Variants in EFCAB8 observed in about 807,000 individuals in gnomAD.
EFCAB8 encodes the protein EF-hand calcium-binding domain-containing protein 8.
Under a neutral mutation model 116.3 loss-of-function variants are expected in EFCAB8, and 100 were observed. The ratio of observed to expected loss-of-function variants is 0.86; its 90% CI spans 0.73 to 1.02. EFCAB8 has a LOEUF of 1.02. EFCAB8 is among the 50% of genes least tolerant of loss of function. EFCAB8 has a pLI of 0.00. For synonymous variants in EFCAB8, 558 were observed against 567.9 expected (o/e 0.98, Z 0.25); for missense variants, 1,320 against 1,416.9 (o/e 0.93, Z 1.10).
intron 16 of EFCAB8, among the ~76,000 whole-genome samples, chr20:32,912,235 G>A (rs970176021): frequency 6.6e-6 from 1 of 151,960 alleles, no homozygotes; most frequent in Non-Finnish European, 1.5e-5. Flanking sequence ...CCAGGAGTTC[G>A]AGACCAGCCT....
intron 20 of EFCAB8, among the ~76,000 whole-genome samples, chr20:32,927,801 T>G (rs1012050552): frequency 1.2e-4 from 18 of 152,192 alleles, no homozygotes; most frequent in African/African-American, 4.3e-4. Context: ...GGTTCAGGGA[T>G]TCCTGTTTTT....
intron 13 of EFCAB8, among the ~76,000 whole-genome samples, chr20:32,907,518 C>T (rs1600409667): frequency 6.6e-6 from 1 of 152,214 alleles, no homozygotes; most frequent in Admixed American, 6.5e-5. Flanking sequence ...GATACTGCCC[C>T]GTCTGCTGGG....
chr20:32,908,959 T>A (rs565874329), intron 14 of EFCAB8, among the ~76,000 whole-genome samples: 2 of 152,092 alleles, frequency 1.3e-5, no homozygotes, highest in East Asian at 3.9e-4. Flanking sequence ...CAGGAAAGAT[T>A]GGGACAAGCA....
intron 9 of EFCAB8, among the ~76,000 whole-genome samples, chr20:32,894,090 G>A (rs1986047712): frequency 6.6e-6 from 1 of 152,182 alleles, no homozygotes; most frequent in East Asian, 1.9e-4. Context: ...GCTCAGGGCC[G>A]CCTAGGGAAC....
In EFCAB8 at chr20:32,959,913, G is replaced by A. The variant is rs753218371; in HGVS notation, c.3225G>A (p.Pro1075=). The A allele has an allele frequency of 4.4e-5, 69 of 1,551,560 alleles. No homozygotes were observed. The highest frequency in any genetic ancestry group is 5.8e-5 in the Non-Finnish European group (67 of 1,146,980). The change falls in exon 25 of 27, where the codon CCG becomes CCA. Residue 1075 remains proline (P), a synonymous_variant. Transcript: ENST00000400522. ...TGCAGAAGATGGCCCTGATGTCCCC[G>A]TGGGCCGGAGAGCGCCCCCTGGAAG... ...AKLQKMALMS[P]WAGERPLEDI... is the part of the protein sequence containing the mutation.
At chr20:32,901,549 C>G (rs367945984) in intron 11 of EFCAB8, among the ~76,000 whole-genome samples, 1 of 145,814 alleles carries the variant, frequency 6.9e-6, no homozygotes, top group Admixed American at 6.7e-5. Flanking sequence ...CTCTGTGGGC[C>G]GGGCCTGCTG....
chr20:32,880,244 G>A (rs1042467122), intron 5 of EFCAB8, among the ~76,000 whole-genome samples: 8 of 151,568 alleles, frequency 5.3e-5, no homozygotes, highest in Middle Eastern at 3.4e-3. Flanking sequence ...TAGAGAAGGC[G>A]GCTTGAATGA....
chr20:32,953,150 T>A (rs1988849554), intron 23 of EFCAB8, among the ~76,000 whole-genome samples: 1 of 152,226 alleles, frequency 6.6e-6, no homozygotes, highest in Admixed American at 6.5e-5. Context: ...TGTGACAAGA[T>A]ATCCTTTCTT....
rs542345105 is a variant in EFCAB8 at position 32,937,280 on chromosome 20, C to T, written c.2790+5944C>T. Among the ~76,000 whole-genome samples the T allele has an allele frequency of 7.9e-5, 12 of 152,186 alleles. No homozygotes were observed. The East Asian group carries it at 1.9e-3, about 25-fold the overall frequency. ...GAAGCATGAGCCACTGCCCACTGCA[C>T]CTAGCTGAAAACCACACTTTCTGTT... On this transcript the variant is annotated intron_variant, in intron 22 of 26. Transcript: ENST00000400522.
rs1386183618 is a variant in EFCAB8 at position 32,867,608 on chromosome 20, C to T, written c.69C>T (p.Asn23=). ...TGTCCATCCCACATGGCTTCCAGAA[C>T]AAGGAGGCTGCTAGCTCCCCAACAC... ...QKLSIPHGFQ[N]KEAASSPTPS... Residue 23 remains asparagine, a synonymous_variant, in exon 3 of 27, where the codon AAC becomes AAT. Transcript: ENST00000400522. 6.4e-7 allele frequency: 1 copy of T among 1,551,690 alleles called. No homozygotes were observed.
At chr20:32,899,000 T>A (rs539504920) in intron 11 of EFCAB8, among the ~76,000 whole-genome samples, 1 of 152,334 alleles carries the variant, frequency 6.6e-6, no homozygotes, top group African/African-American at 2.4e-5. Context: ...GTTCAGTAAC[T>A]GGCAGCATTG....
intron 20 of EFCAB8, among the ~76,000 whole-genome samples, chr20:32,924,845 G>C (rs1333931379): frequency 6.6e-6 from 1 of 152,124 alleles, no homozygotes; most frequent in East Asian, 1.9e-4. Context: ...GTCCCCTCTG[G>C]ATGCTGACCC....
At chr20:32,941,111 G>A (rs1311328270) in intron 22 of EFCAB8, among the ~76,000 whole-genome samples, 1 of 149,444 alleles carries the variant, frequency 6.7e-6, no homozygotes, top group Non-Finnish European at 1.5e-5. Context: ...AATTAGCAGG[G>A]CATGATGGCG....
At chr20:32,926,410 CTA>C (rs1987671488) in intron 20 of EFCAB8, among the ~76,000 whole-genome samples, 1 of 145,000 alleles carries the variant, frequency 6.9e-6, no homozygotes, top group African/African-American at 2.5e-5. Flanking sequence ...ACGTTTGAAA[CTA>C]TTGTTTATTT....
chr20:32,889,696 A>G (rs116698038), intron 7 of EFCAB8, among the ~76,000 whole-genome samples: 3,101 of 152,072 alleles, frequency 0.02, 118 homozygotes, highest in African/African-American at 0.07. Flanking sequence ...GGCCCCCTTC[A>G]CTGTCACTTA....
intron 23 of EFCAB8, among the ~76,000 whole-genome samples, chr20:32,951,456 C>T (rs934293861): frequency 2.0e-5 from 3 of 152,066 alleles, no homozygotes; most frequent in Admixed American, 6.5e-5. Context: ...TTATTTTTTC[C>T]CAACCATTTA....
chr20:32,948,574 A>AAGAAAG (rs1049326623), intron 23 of EFCAB8, among the ~76,000 whole-genome samples: 1 of 151,312 alleles, frequency 6.6e-6, no homozygotes, highest in Non-Finnish European at 1.5e-5. Context: ...GAAAGAAAGA[A>AAGAAAG]AGAAAGAAAA....
At chr20:32,888,394 T>C (rs984225867) in intron 6 of EFCAB8, among the ~76,000 whole-genome samples, 2 of 152,162 alleles carry the variant, frequency 1.3e-5, no homozygotes, top group African/African-American at 4.8e-5. Flanking sequence ...CCCAGCTAAC[T>C]TTTGTATTTT....
chr20:32,861,916 GAACTT>G (rs1050929660), intron 1 of EFCAB8, among the ~76,000 whole-genome samples: 48 of 144,320 alleles, frequency 3.3e-4, no homozygotes, highest in African/African-American at 1.2e-3. Flanking sequence ...TAACAGAAAT[GAACTT>G]AACATTTTAC....
Sources: allele counts gnomAD v4.1 joint callset (sites outside exome capture counted in the v4.1 genomes callset), GRCh38; gene constraint gnomAD v4.1.1; transcripts MANE v1.5; gene names NCBI Gene and HGNC (gene_info 2026-07-23, HGNC 2026-07-21).